The following PAPPA variants were observed in gnomAD, a reference collection of about 807,000 sequenced individuals.
PAPPA encodes pappalysin 1, also known as pappalysin-1.
A neutral mutation model predicts 164.0 loss-of-function variants in PAPPA; 60 were observed. That is an observed-to-expected ratio of 0.37 (90% CI 0.30 to 0.45). The LOEUF (loss-of-function observed/expected upper bound fraction) is 0.45. PAPPA is among the 20% of genes least tolerant of loss of function. The pLI is 1.00. For synonymous variants in PAPPA, 875 were observed against 814.1 expected (o/e 1.07, Z -1.27); for missense variants, 1,782 against 2,087.3 (o/e 0.85, Z 2.85).
At chr9:116,275,254 CT>C (rs1845182752) in intron 9 of PAPPA, among the ~76,000 whole-genome samples, 1 of 152,220 alleles carries the variant, frequency 6.6e-6, no homozygotes, top group Non-Finnish European at 1.5e-5. Flanking sequence ...AACCCCATTT[CT>C]AGCAAGTTGG....
intron 19 of PAPPA, chr9:116,373,659 C>G (rs879105924): frequency 6.6e-6 from 1 of 152,074 alleles, no homozygotes; most frequent in Admixed American, 6.5e-5. Context: ...ACATTTGTCT[C>G]AAAGGGCCTC....
At position 116,398,468 on chromosome 9, in the gene PAPPA, A is replaced by T; in HGVS notation, c.*1852A>T. The stretch of plus-strand genomic sequence containing the variant: ...CATCCAAGGCAGGTGTTGTTAATCT[A>T]TCATAGCACTTAAAAAAAAAAAAAA... On this transcript the variant is annotated 3_prime_UTR_variant, in exon 22 of 22. Coordinates refer to ENST00000328252, the MANE Select transcript of PAPPA (RefSeq NM_002581.5). 1.4e-6 allele frequency: 1 copy of T among 739,784 alleles called. No individual in the cohort carries two copies. Among genetic ancestry groups the T allele is most frequent in the Non-Finnish European group, 1.9e-6 (1 of 534,216 alleles). The allele number at this position is 739,784 out of a possible 1,614,324, so 45.8% of individuals were successfully genotyped here. A position where few individuals can be genotyped will look rare whatever the true frequency, so the allele number is the denominator to read the frequency against.
intron 9 of PAPPA, among the ~76,000 whole-genome samples, chr9:116,279,325 A>T (rs971697464): frequency 6.6e-6 from 1 of 152,148 alleles, no homozygotes; most frequent in African/African-American, 2.4e-5. Context: ...AGCACCAAAG[A>T]TCTGAAGTAC....
At chr9:116,333,080 G>T (rs1032721735) in intron 12 of PAPPA, among the ~76,000 whole-genome samples, 1 of 152,074 alleles carries the variant, frequency 6.6e-6, no homozygotes, top group African/African-American at 2.4e-5. Context: ...GAGGACAAGG[G>T]CTGGACTTGG....
intron 9 of PAPPA, among the ~76,000 whole-genome samples, chr9:116,280,559 A>G (rs1845253901): frequency 6.6e-6 from 1 of 152,236 alleles, no homozygotes; most frequent in Non-Finnish European, 1.5e-5. Context: ...ATGAGGCTGA[A>G]GTCTAGCAGT....
At chr9:116,348,502 A>C (rs1171566301) in intron 15 of PAPPA, among the ~76,000 whole-genome samples, 1 of 151,860 alleles carries the variant, frequency 6.6e-6, no homozygotes, top group Non-Finnish European at 1.5e-5. Context: ...TTTAAAAAAA[A>C]CTTTTATTTT....
In PAPPA at chr9:116,187,947, C is replaced by G. The variant is rs1172230936; in HGVS notation, c.1209C>G (p.Ser403=). 1 of 1,614,154 alleles carries G rather than the reference C, an allele frequency of 6.2e-7. No individual in the cohort carries two copies. Among genetic ancestry groups the G allele is most frequent in the Admixed American group, 1.7e-5 (1 of 60,032 alleles). Residue 403 remains serine (S), a synonymous_variant, in exon 2 of 22, where the codon TCC becomes TCG. Transcript: ENST00000328252. This position sits in a 1 kb window ranked among gnomAD's most constrained non-coding sequence, Gnocchi z 4.2. ...TGGACGTGCTGGAGGTGAGCAACTC[C>G]TCCCTTCGCCGCCGCCTCATCCTGG... ...WELDVLEVSN[S]SLRRRLILAN...
Position 116,347,060 on chromosome 9 carries a change from G to C in PAPPA, c.3815G>C (p.Gly1272Ala). 3 of 1,614,040 alleles carry C rather than the reference G, an allele frequency of 1.9e-6. No homozygotes were observed. Among genetic ancestry groups the C allele is most frequent in the Non-Finnish European group, 2.5e-6 (3 of 1,179,960 alleles). The part of the protein sequence containing the change: ...GPSVTVTCTE[G>A]KWNKQVACEP... Reference sequence around the variant, plus strand: ...AGCGTCACAGTGACCTGTACAGAGGGCAAGTGGAATAAGCAGGTGGCCTGT... The same window carrying C: ...AGCGTCACAGTGACCTGTACAGAGGCCAAGTGGAATAAGCAGGTGGCCTGT... The change falls in exon 15 of 22, where the codon GGC (glycine) becomes GCC (alanine). Residue 1272 changes from glycine (G) to alanine (A), a missense_variant. Around this residue, in one of 2 missense-constraint regions of PAPPA, gnomAD observed 1,324 missense variants for 1,656.9 expected, o/e 0.80. Transcript: ENST00000328252. This position sits in a 1 kb window ranked among gnomAD's most constrained non-coding sequence, Gnocchi z 4.5.
chr9:116,324,786 G>A (rs953057913), intron 10 of PAPPA, among the ~76,000 whole-genome samples: 1 of 152,122 alleles, frequency 6.6e-6, no homozygotes, highest in Non-Finnish European at 1.5e-5. Context: ...CATGGAGGGG[G>A]AGTCCACAAC....
chr9:116,207,414 T>A (rs200323778), intron 2 of PAPPA, 42 bp from the exon 3 acceptor site: 1 of 991,734 alleles, frequency 1.0e-6, no homozygotes, highest in Non-Finnish European at 1.3e-6. Flanking sequence ...CTGTTATCTT[T>A]TTGGGGGCAT....
intron 2 of PAPPA, among the ~76,000 whole-genome samples, chr9:116,203,224 G>C (rs1844191829): frequency 6.6e-6 from 1 of 152,364 alleles, no homozygotes; most frequent in African/African-American, 2.4e-5. Context: ...ACAGGTTAGA[G>C]CAGAGAGGTT....
intron 10 of PAPPA, among the ~76,000 whole-genome samples, chr9:116,304,991 A>T (rs1845625849): frequency 6.6e-6 from 1 of 152,016 alleles, no homozygotes. Context: ...GGCCAGGAAG[A>T]GGGCAGCAGA....
In PAPPA at chr9:116,154,472, C is replaced by G; in HGVS notation, c.300C>G (p.Ser100Arg). ...CGCCGAGCCGGGCGCTCTATTTCAG[C>G]GGGCGAGGCGAGCAGCTGCGCCTCC... ...PSPPSRALYF[S>R]GRGEQLRLRA... Residue 100 changes from serine to arginine, a missense_variant, in exon 1 of 22, where the codon AGC becomes AGG. Coordinates refer to ENST00000328252, the MANE Select transcript of PAPPA (RefSeq NM_002581.5). The surrounding 1 kb of genome is among the most constrained non-coding windows in gnomAD (Gnocchi z 5.2). The G allele has an allele frequency of 7.7e-7, 1 of 1,298,340 alleles. No individual in the cohort carries two copies. Among genetic ancestry groups the G allele is most frequent in the South Asian group, 2.2e-5 (1 of 45,364 alleles). 80.4% of individuals were successfully genotyped at this position (1,298,340 alleles called of 1,614,324 possible).
chr9:116,286,977 G>T (rs565413107), intron 9 of PAPPA: 2 of 152,224 alleles, frequency 1.3e-5, no homozygotes, highest in South Asian at 4.2e-4. Context: ...AGCTCCATCA[G>T]GCCCCTGAGC....
intron 10 of PAPPA, among the ~76,000 whole-genome samples, chr9:116,307,901 A>T (rs924983404): frequency 2.7e-5 from 4 of 148,944 alleles, no homozygotes; most frequent in Non-Finnish European, 4.5e-5. Flanking sequence ...ATTAAGATGA[A>T]TGATATCTAC....
chr9:116,207,420 G>T, intron 2 of PAPPA, 36 bp from the exon 3 acceptor site: 1 of 1,242,004 alleles, frequency 8.1e-7, no homozygotes, highest in Non-Finnish European at 1.1e-6. Flanking sequence ...TCTTTTTGGG[G>T]GCATGATAAC....
At chr9:116,230,986 C>T (rs1844584104) in intron 6 of PAPPA, among the ~76,000 whole-genome samples, 1 of 151,740 alleles carries the variant, frequency 6.6e-6, no homozygotes, top group East Asian at 1.9e-4. Context: ...ATTTTTCTGC[C>T]CAGAATATTT....
At chr9:116,338,843 T>G (rs1376474730) in intron 13 of PAPPA, among the ~76,000 whole-genome samples, 1 of 152,216 alleles carries the variant, frequency 6.6e-6, no homozygotes, top group Non-Finnish European at 1.5e-5. Context: ...TGCTTGAGAT[T>G]ACCAAGACAA....
chr9:116,320,665 G>C (rs561779146), intron 10 of PAPPA, among the ~76,000 whole-genome samples: 7 of 152,244 alleles, frequency 4.6e-5, no homozygotes, highest in East Asian at 1.9e-4. Context: ...TGTTTCTAAT[G>C]GTTGGTAAAA....
Sources: allele counts gnomAD v4.1 joint callset (sites outside exome capture counted in the v4.1 genomes callset), GRCh38; gene constraint gnomAD v4.1.1; regional missense constraint gnomAD v4.1.1; non-coding constraint Gnocchi (gnomAD v3.1); transcripts MANE v1.5; gene names NCBI Gene and HGNC (gene_info 2026-07-23, HGNC 2026-07-21).